The following CUL2 variants were observed in gnomAD, a reference collection of about 807,000 sequenced individuals.
CUL2 encodes cullin-2.
In CUL2, 22 loss-of-function variants were observed where a neutral mutation model predicts 110.2. The ratio of observed to expected loss-of-function variants is 0.20; its 90% CI spans 0.14 to 0.28. The LOEUF is 0.28. Ranked by LOEUF, CUL2 falls within the 10% of genes least tolerant of loss-of-function variation. CUL2 has a pLI of 1.00. For synonymous variants in CUL2, 279 were observed against 293.2 expected (o/e 0.95, Z 0.49); for missense variants, 631 against 905.5 (o/e 0.70, Z 3.89).
intron 1 of CUL2, among the ~76,000 whole-genome samples, chr10:35,121,234 A>AT (rs573167682): frequency 2.7e-4 from 41 of 152,042 alleles, no homozygotes; most frequent in Admixed American, 1.4e-3. Flanking sequence ...TTATTTATTT[A>AT]TTTTTTTGGG....
intron 9 of CUL2, among the ~76,000 whole-genome samples, chr10:35,038,355 C>G (rs1445973932): frequency 1.3e-5 from 2 of 150,940 alleles, no homozygotes; most frequent in African/African-American, 4.9e-5. Flanking sequence ...GAAACCCTGT[C>G]TCTACTAAAA....
chr10:35,057,899 T>C (rs1589013808), intron 4 of CUL2, among the ~76,000 whole-genome samples: 1 of 150,946 alleles, frequency 6.6e-6, no homozygotes, highest in African/African-American at 2.4e-5. Context: ...TTCGAGACCA[T>C]CCTGGCCAAC....
chr10:35,058,291 T>C (rs2086293161), intron 4 of CUL2, among the ~76,000 whole-genome samples: 1 of 152,182 alleles, frequency 6.6e-6, no homozygotes, highest in African/African-American at 2.4e-5. Context: ...ATCCTCTTCC[T>C]GGACGAATAA....
chr10:35,039,331 T>A (rs1472932546), intron 8 of CUL2, among the ~76,000 whole-genome samples: 1 of 152,244 alleles, frequency 6.6e-6, no homozygotes, highest in Non-Finnish European at 1.5e-5. Context: ...GCATTTTGTC[T>A]TCATTTACCT....
At chr10:35,079,767 T>C (rs918523892) in intron 1 of CUL2, 1 of 154,840 alleles carries the variant, frequency 6.5e-6, no homozygotes, top group Non-Finnish European at 1.5e-5. Context: ...AAGCACTCTA[T>C]GGCAGAAGCC....
chr10:35,062,951 A>C lies in CUL2; in HGVS notation c.222+9T>G, dbSNP rs1795994117. ...AACATATTTATATCACGTATGTATC[A>C]TTGCTTACCTTATGCAAATGCCGAA... On this transcript the variant is annotated intron_variant, in intron 3 of 20. Transcript: ENST00000374749. The C allele has an allele frequency of 6.9e-7, 1 of 1,456,380 alleles. No homozygotes were observed. The highest frequency in any genetic ancestry group is 1.4e-5 in the African/African-American group (1 of 71,334). The allele number at this position is 1,456,380 out of a possible 1,614,324, so 90.2% of individuals were successfully genotyped here.
At chr10:35,032,347 C>T (rs2085499740) in intron 12 of CUL2, 88 bp downstream of exon 12, 2 of 1,217,184 alleles carry the variant, frequency 1.6e-6, no homozygotes, top group Non-Finnish European at 1.2e-6. Flanking sequence ...AAAAATGCTA[C>T]AAAAACCAAA....
At chr10:35,029,143 C>T (rs916433340) in intron 15 of CUL2, among the ~76,000 whole-genome samples, 5 of 152,042 alleles carry the variant, frequency 3.3e-5, no homozygotes, top group South Asian at 2.1e-4. Flanking sequence ...CTGCAACCTC[C>T]GCCTCTGGGG....
chr10:35,010,073 C>A lies in CUL2; in HGVS notation c.*238G>T. 1 of 243,450 alleles carries A rather than the reference C, an allele frequency of 4.1e-6. No homozygotes were observed. Among genetic ancestry groups the A allele is most frequent in the Non-Finnish European group, 7.6e-6 (1 of 131,696 alleles). 15.1% of individuals were successfully genotyped at this position (243,450 alleles called of 1,614,324 possible). A position where few individuals can be genotyped will look rare whatever the true frequency, so the allele number is the denominator to read the frequency against. ...ACCCAACCGAATTTCCACTTTTCAG[C>A]AATACTTCACTCATTCTTTTAATAA... On this transcript the variant is annotated 3_prime_UTR_variant, in exon 21 of 21. Transcript: ENST00000374749.
chr10:35,046,816 C>T (rs1489098119), intron 6 of CUL2, among the ~76,000 whole-genome samples: 1 of 152,102 alleles, frequency 6.6e-6, no homozygotes, highest in African/African-American at 2.4e-5. Flanking sequence ...TGGCTTGAAC[C>T]TGGGAGGAGG....
chr10:35,110,275 G>T (rs1034030020), intron 1 of CUL2, among the ~76,000 whole-genome samples: 2 of 152,132 alleles, frequency 1.3e-5, no homozygotes, highest in African/African-American at 2.4e-5. Flanking sequence ...TTAAAGAATA[G>T]AAATTTATCC....
intron 20 of CUL2, among the ~76,000 whole-genome samples, chr10:35,011,510 C>T (rs1245128284): frequency 2.0e-5 from 3 of 151,940 alleles, no homozygotes; most frequent in Admixed American, 6.5e-5. Flanking sequence ...CCCAACTACT[C>T]GGGAGGCTGA....
rs534102867 is a variant in CUL2, at chr10:35,116,723, T to G, written c.-51+9882A>C. On this transcript the variant is annotated intron_variant, in intron 1 of 5. Transcript: ENST00000685421. The stretch of plus-strand genomic sequence containing the variant: ...GGCTCAAGCCTGTAATCCCAGCATT[T>G]TGGGAGGCCAATGCAGGCAGATCAC... Among the ~76,000 whole-genome samples the G allele has an allele frequency of 7.2e-4, 110 of 152,286 alleles. 1 individual carries two copies. Among genetic ancestry groups the G allele is most frequent in the Non-Finnish European group, 1.2e-3 (79 of 68,024 alleles).
At position 35,082,480 on chromosome 10, in the gene CUL2, T is replaced by C. The variant is rs190034217; in HGVS notation, c.-23+7699A>G. Among the ~76,000 whole-genome samples the C allele has an allele frequency of 6.1e-3, 928 of 152,232 alleles. 11 individuals carry two copies. Among genetic ancestry groups the C allele is most frequent in the African/African-American group, 0.021 (878 of 41,540 alleles). The stretch of plus-strand genomic sequence containing the variant: ...GTTTTGGAAATGGTGGTTTTGGAAA[T>C]GGTGGTGAGGGTCACAATGACACTG... On this transcript the variant is annotated intron_variant, in intron 1 of 20. Transcript: ENST00000374749.
Position 35,050,638 on chromosome 10 carries a change from G to A in CUL2, c.424-873C>T, listed in dbSNP as rs140460398. Among the ~76,000 whole-genome samples the A allele has an allele frequency of 3.8e-3, 572 of 152,244 alleles. 5 individuals carry two copies. The Middle Eastern group carries it at 0.041, about 11-fold the overall frequency. ...TCCACAATTTTGTGAAACCCATCCA[G>A]TGGAAACATACAGCCATAGCTCAAT... On this transcript the variant is annotated intron_variant, in intron 5 of 20. Coordinates refer to ENST00000374749, the MANE Select transcript of CUL2 (RefSeq NM_003591.4).
chr10:35,106,298 T>G (rs896483045), intron 1 of CUL2, among the ~76,000 whole-genome samples: 144 of 147,538 alleles, frequency 9.8e-4, no homozygotes, highest in African/African-American at 3.6e-3. Context: ...AATAAATGTG[T>G]TTTTTGTTTT....
chr10:35,031,699 C>A lies in CUL2; in HGVS notation c.1171-80G>T. 2.0e-6 allele frequency: 3 copies of A among 1,485,212 alleles called. No individual in the cohort carries two copies. The South Asian group carries it at 3.5e-5, about 17-fold the overall frequency. 92.0% of individuals were successfully genotyped at this position (1,485,212 alleles called of 1,614,324 possible). On this transcript the variant is annotated intron_variant, in intron 12 of 20. Transcript: ENST00000374749. The surrounding 1 kb of genome is among the most constrained non-coding windows in gnomAD (Gnocchi z 4.4). ...CCTCAAAGGAGGCAAAGTGGTGATA[C>A]AAGGTAAGATCAGCGGACAGAATTT...
rs180748793 is a variant in CUL2, at chr10:35,051,611, A to G, written c.424-1846T>C. On this transcript the variant is annotated intron_variant, in intron 5 of 20. Coordinates refer to ENST00000374749, the MANE Select transcript of CUL2 (RefSeq NM_003591.4). ...CTGGGCGACAGCAAGACTCCGTCTC[A>G]AAACAACAACAACAACAACAAAAAA... 7.9e-5 allele frequency among the ~76,000 whole-genome samples: 12 copies of G among 152,334 alleles called. No individual in the cohort carries two copies. The East Asian group carries it at 2.1e-3, about 27-fold the overall frequency.
chr10:35,085,777 C>G (rs1384812675), intron 1 of CUL2, among the ~76,000 whole-genome samples: 1 of 148,598 alleles, frequency 6.7e-6, no homozygotes, highest in Non-Finnish European at 1.5e-5. Flanking sequence ...CCAGAATACA[C>G]AAAGAACAGG....
Sources: allele counts gnomAD v4.1 joint callset (sites outside exome capture counted in the v4.1 genomes callset), GRCh38; gene constraint gnomAD v4.1.1; non-coding constraint Gnocchi (gnomAD v3.1); transcripts MANE v1.5; gene names NCBI Gene and HGNC (gene_info 2026-07-23, HGNC 2026-07-21).